Variants in PCDHA9 observed in about 807,000 individuals in gnomAD.
The protein encoded by PCDHA9 is protocadherin alpha-9.
In PCDHA9, 62 loss-of-function variants were observed where a neutral mutation model predicts 62.0. The ratio of observed to expected loss-of-function variants is 1.00; its 90% CI spans 0.81 to 1.23. The LOEUF is 1.23. Among genes scored for constraint, PCDHA9 ranks in the 50% most tolerant of loss-of-function variants. PCDHA9 has a pLI of 0.00. For synonymous variants in PCDHA9, 557 were observed against 567.6 expected (o/e 0.98, Z 0.27); for missense variants, 1,205 against 1,249.8 (o/e 0.96, Z 0.54).
chr5:140,922,898 T>A (rs916788135), intron 1 of PCDHA9, among the ~76,000 whole-genome samples: 2 of 152,022 alleles, frequency 1.3e-5, no homozygotes, highest in African/African-American at 4.8e-5. Flanking sequence ...CAAGAAAAAA[T>A]TTTGAGATAC....
At chr5:140,971,209 C>T (rs147218200) in intron 1 of PCDHA9, among the ~76,000 whole-genome samples, 3 of 152,118 alleles carry the variant, frequency 2.0e-5, no homozygotes, top group African/African-American at 7.2e-5. Context: ...ACACTGTTAC[C>T]CTCCCTCTCC....
intron 3 of PCDHA9, among the ~76,000 whole-genome samples, chr5:141,007,395 C>CAAAAAAAAA (rs35800918): frequency 8.4e-5 from 8 of 94,856 alleles, no homozygotes; most frequent in East Asian, 2.9e-4. Context: ...TACTAAAATA[C>CAAAAAAAAA]AAAAAAAAAA....
At chr5:140,934,664 T>C (rs1268113575) in intron 1 of PCDHA9, among the ~76,000 whole-genome samples, 4 of 152,176 alleles carry the variant, frequency 2.6e-5, no homozygotes, top group Non-Finnish European at 5.9e-5. Flanking sequence ...TCTTCCCCTT[T>C]GTTTAGCAGT....
rs781784518 is a variant in PCDHA9, at chr5:140,857,448, A to G, written c.2394+6559A>G. The G allele has an allele frequency of 6.3e-7, 1 of 1,597,896 alleles. No homozygotes were observed. Among genetic ancestry groups the G allele is most frequent in the Non-Finnish European group, 8.6e-7 (1 of 1,167,724 alleles). ...TACACGGTGTTCGTGAAGGAGAACA[A>G]CCCGCCAGGCTGCCACATCTTCACG... On this transcript the variant is annotated intron_variant, in intron 1 of 3. Coordinates refer to ENST00000532602, the MANE Select transcript of PCDHA9 (RefSeq NM_031857.2).
Position 140,858,496 on chromosome 5 carries a change from C to T in PCDHA9, c.2394+7607C>T, listed in dbSNP as rs1554151697. 7 of 1,479,962 alleles carry T rather than the reference C, an allele frequency of 4.7e-6. 1 individual carries two copies. 91.7% of individuals were successfully genotyped at this position (1,479,962 alleles called of 1,614,324 possible). ...TTATGAATAATATTTTCTCTTACCG[C>T]ATTTTCTCAAATATGTATCAGAATA... is the stretch of plus-strand genomic sequence containing the variant. On this transcript the variant is annotated intron_variant, in intron 1 of 3. Transcript: ENST00000532602.
chr5:140,927,309 C>T (rs2084071798), intron 1 of PCDHA9: 4 of 1,614,058 alleles, frequency 2.5e-6, no homozygotes, highest in Admixed American at 1.7e-5. Context: ...TCCTGACGCC[C>T]GGAGCCCGCT....
chr5:141,005,959 A>G (rs1225421383), intron 3 of PCDHA9, among the ~76,000 whole-genome samples: 1 of 152,048 alleles, frequency 6.6e-6, no homozygotes, highest in African/African-American at 2.4e-5. Context: ...ACAAACAACA[A>G]TAAAAAAACA....
At chr5:140,855,786 GAATT>G (rs2043624411) in intron 1 of PCDHA9, 1 of 434,404 alleles carries the variant, frequency 2.3e-6, no homozygotes, top group Non-Finnish European at 4.1e-6. Context: ...CGTAAAAAAA[GAATT>G]AACATATGAA....
At chr5:140,968,211 A>G (rs1039283745) in intron 1 of PCDHA9, 1 of 1,614,002 alleles carries the variant, frequency 6.2e-7, no homozygotes. Context: ...CAGGAGAACA[A>G]TTTGCCAGGT....
intron 1 of PCDHA9, chr5:140,859,133 A>C (rs1196792734): frequency 6.7e-6 from 1 of 150,106 alleles, no homozygotes; most frequent in Non-Finnish European, 1.5e-5. Flanking sequence ...TTTTATTTAC[A>C]TAATTTTATC....
intron 1 of PCDHA9, chr5:140,862,633 G>T (rs113613111): frequency 3.7e-6 from 2 of 537,190 alleles, no homozygotes; most frequent in East Asian, 5.1e-5. Context: ...GGGCTGCCAC[G>T]ACTTCACAGT....
At chr5:140,998,472 A>G (rs1212895520) in intron 3 of PCDHA9, among the ~76,000 whole-genome samples, 1 of 151,938 alleles carries the variant, frequency 6.6e-6, no homozygotes, top group Non-Finnish European at 1.5e-5. Context: ...TTTTCCTCCC[A>G]CTGTGCTGTA....
intron 1 of PCDHA9, among the ~76,000 whole-genome samples, chr5:140,896,384 C>T (rs778057567): frequency 2.0e-5 from 3 of 152,172 alleles, no homozygotes; most frequent in Non-Finnish European, 4.4e-5. Flanking sequence ...TCTGCAACCT[C>T]ACCAGCATCT....
intron 1 of PCDHA9, among the ~76,000 whole-genome samples, chr5:140,897,022 A>G (rs1009125089): frequency 2.6e-5 from 4 of 152,142 alleles, no homozygotes; most frequent in Non-Finnish European, 2.9e-5. Flanking sequence ...CAACTAAATT[A>G]TTTAGACCAT....
chr5:140,938,293 C>T (rs896897734), intron 1 of PCDHA9, among the ~76,000 whole-genome samples: 2 of 152,110 alleles, frequency 1.3e-5, no homozygotes, highest in African/African-American at 4.8e-5. Flanking sequence ...CTGTCATTGC[C>T]TATGAAATTC....
At chr5:140,934,561 TTTAA>T (rs549996624) in intron 1 of PCDHA9, among the ~76,000 whole-genome samples, 1 of 152,208 alleles carries the variant, frequency 6.6e-6, no homozygotes, top group South Asian at 2.1e-4. Flanking sequence ...TCTTCTTTTT[TTTAA>T]TTAATTGTAA....
chr5:140,903,524 A>T (rs2070355065), intron 1 of PCDHA9, among the ~76,000 whole-genome samples: 1 of 152,156 alleles, frequency 6.6e-6, no homozygotes, highest in Non-Finnish European at 1.5e-5. Flanking sequence ...TGTGTTGTTC[A>T]CTTTAAACTA....
At chr5:140,926,899 G>T (rs1554203765) in intron 1 of PCDHA9, 28 of 1,552,028 alleles carry the variant, frequency 1.8e-5, no homozygotes, top group Non-Finnish European at 2.4e-5. Context: ...GAGGATGGTG[G>T]GCTGTGGGGT....
At chr5:140,968,841 A>G in intron 1 of PCDHA9, 1 of 1,614,222 alleles carries the variant, frequency 6.2e-7, no homozygotes, top group Middle Eastern at 1.6e-4. Context: ...CCTGACACTC[A>G]GAGGCATGTT....
Sources: gnomAD v4.1 joint callset for allele counts (sites outside exome capture counted in the v4.1 genomes callset) on GRCh38, gnomAD v4.1.1 for gene constraint, MANE v1.5 for transcripts, NCBI Gene and HGNC (gene_info 2026-07-23, HGNC 2026-07-21) for gene names.